The following RBFOX3 variants were observed in gnomAD, a reference collection of about 807,000 sequenced individuals.
The protein encoded by RBFOX3 is RNA binding protein fox-1 homolog 3.
A neutral mutation model predicts 48.7 loss-of-function variants in RBFOX3; 17 were observed. That is an observed-to-expected ratio of 0.35 (90% CI 0.24 to 0.52). The LOEUF is 0.52. Among genes scored for constraint, RBFOX3 ranks in the 20% least tolerant of loss-of-function variants. The pLI is 0.94. For synonymous variants in RBFOX3, 212 were observed against 209.5 expected (o/e 1.01, Z -0.10); for missense variants, 382 against 497.5 (o/e 0.77, Z 2.21).
At chr17:79,498,762 C>G (rs2081959980) in intron 1 of RBFOX3, among the ~76,000 whole-genome samples, 1 of 150,954 alleles carries the variant, frequency 6.6e-6, no homozygotes, top group Non-Finnish European at 1.5e-5. Flanking sequence ...CATCCATCTG[C>G]CTACCCATCC....
chr17:79,158,735 G>A (rs1372479520), intron 4 of RBFOX3, among the ~76,000 whole-genome samples: 1 of 152,248 alleles, frequency 6.6e-6, no homozygotes, highest in Admixed American at 6.5e-5. Context: ...GGGCTGAGCA[G>A]GGCATGGAGG....
intron 2 of RBFOX3, among the ~76,000 whole-genome samples, chr17:79,323,449 G>C (rs2078844425): frequency 6.6e-6 from 1 of 152,182 alleles, no homozygotes; most frequent in African/African-American, 2.4e-5. Context: ...GGTTGCGAGA[G>C]GTCCACTGTT....
At chr17:79,356,373 T>TG (rs1555684869) in intron 2 of RBFOX3, among the ~76,000 whole-genome samples, 1 of 88,992 alleles carries the variant, frequency 1.1e-5, no homozygotes, top group Non-Finnish European at 2.2e-5. Context: ...TTTTTTTTTT[T>TG]TTTTTTTTTT....
At chr17:79,441,379 G>C (rs1165616587) in intron 2 of RBFOX3, among the ~76,000 whole-genome samples, 1 of 152,204 alleles carries the variant, frequency 6.6e-6, no homozygotes, top group Non-Finnish European at 1.5e-5. Flanking sequence ...TGGAAGTAAG[G>C]TGCAGATAGA....
At chr17:79,307,948 A>G (rs915130683) in intron 2 of RBFOX3, 124 bp from the exon 3 acceptor site, 3 of 153,434 alleles carry the variant, frequency 2.0e-5, no homozygotes, top group Non-Finnish European at 4.4e-5. Flanking sequence ...TGTCACGGGC[A>G]CTATGTCTTT....
At chr17:79,125,764 G>A (rs2037067596) in intron 4 of RBFOX3, among the ~76,000 whole-genome samples, 1 of 152,244 alleles carries the variant, frequency 6.6e-6, no homozygotes, top group South Asian at 2.1e-4. Context: ...GCAGGCTGCA[G>A]TGGGAGTGAG....
intron 4 of RBFOX3, among the ~76,000 whole-genome samples, chr17:79,165,892 T>C (rs1205497017): frequency 1.3e-5 from 2 of 152,192 alleles, no homozygotes; most frequent in African/African-American, 2.4e-5. Context: ...GCATTCTGCC[T>C]GCAGCAGGGC....
intron 1 of RBFOX3, among the ~76,000 whole-genome samples, chr17:79,496,187 C>T (rs2081512328): frequency 6.6e-6 from 1 of 151,984 alleles, no homozygotes; most frequent in East Asian, 1.9e-4. Context: ...TCCGGGAGTT[C>T]AGAGTGGGGC....
At chr17:79,355,185 C>A (rs1463526384) in intron 2 of RBFOX3, among the ~76,000 whole-genome samples, 1 of 152,172 alleles carries the variant, frequency 6.6e-6, no homozygotes, top group Non-Finnish European at 1.5e-5. Flanking sequence ...CTTGTGGGGT[C>A]GGGGGTCCCT....
chr17:79,131,024 C>T (rs1568189262), intron 4 of RBFOX3, among the ~76,000 whole-genome samples: 1 of 151,964 alleles, frequency 6.6e-6, no homozygotes, highest in East Asian at 1.9e-4. Context: ...ATGTGTGCCC[C>T]ATGTGTGCTG....
At chr17:79,561,294 G>C (rs1259907249) in intron 1 of RBFOX3, among the ~76,000 whole-genome samples, 1 of 152,088 alleles carries the variant, frequency 6.6e-6, no homozygotes, top group East Asian at 1.9e-4. Context: ...GCCAGAAATA[G>C]AGCCCAGCCT....
chr17:79,387,803 C>T (rs2060767180), intron 2 of RBFOX3, among the ~76,000 whole-genome samples: 1 of 152,266 alleles, frequency 6.6e-6, no homozygotes, highest in Admixed American at 6.5e-5. Flanking sequence ...GAAGAGCCCA[C>T]TCCTTCCCAA....
At chr17:79,138,913 C>T (rs951061245) in intron 4 of RBFOX3, among the ~76,000 whole-genome samples, 5 of 140,518 alleles carry the variant, frequency 3.6e-5, no homozygotes, top group South Asian at 2.4e-4. Flanking sequence ...CACCCTCACC[C>T]GCACACGCAC....
chr17:79,591,941 G>A (rs1422385541), intron 1 of RBFOX3, among the ~76,000 whole-genome samples: 9 of 151,692 alleles, frequency 5.9e-5, no homozygotes, highest in African/African-American at 2.2e-4. Flanking sequence ...GGGTGTGCAT[G>A]TGTTGTGTGT....
At chr17:79,531,052 A>G (rs2087687350) in intron 1 of RBFOX3, among the ~76,000 whole-genome samples, 1 of 152,240 alleles carries the variant, frequency 6.6e-6, no homozygotes, top group Admixed American at 6.5e-5. Flanking sequence ...TTTGTGCCCC[A>G]GTCCAGGGGC....
intron 4 of RBFOX3, among the ~76,000 whole-genome samples, chr17:79,147,846 C>G (rs1053272153): frequency 6.6e-6 from 1 of 152,356 alleles, no homozygotes; most frequent in Middle Eastern, 3.4e-3. Context: ...CAGCCTCTCT[C>G]TCATGCTAAT....
At chr17:79,180,425 CTT>C (rs2051633445) in intron 4 of RBFOX3, among the ~76,000 whole-genome samples, 1 of 152,236 alleles carries the variant, frequency 6.6e-6, no homozygotes, top group Non-Finnish European at 1.5e-5. Context: ...TGCTCCCGCT[CTT>C]GTTATCAAAT....
intron 1 of RBFOX3, among the ~76,000 whole-genome samples, chr17:79,509,622 C>T (rs1216310287): frequency 1.3e-5 from 2 of 152,166 alleles, no homozygotes; most frequent in African/African-American, 2.4e-5. Context: ...CTAACGGTTC[C>T]ATGGCAGGGT....
chr17:79,384,945 C>T (rs1266150660), intron 2 of RBFOX3, among the ~76,000 whole-genome samples: 4 of 152,270 alleles, frequency 2.6e-5, no homozygotes, highest in Non-Finnish European at 5.9e-5. Flanking sequence ...CCCAAATTCT[C>T]CCAGCATTAT....
Sources: allele counts gnomAD v4.1 joint callset (sites outside exome capture counted in the v4.1 genomes callset), GRCh38; gene constraint gnomAD v4.1.1; transcripts MANE v1.5; gene names NCBI Gene and HGNC (gene_info 2026-07-23, HGNC 2026-07-21).